Variants in TPD52L1 observed in about 807,000 individuals in gnomAD.
TPD52L1 encodes the protein tumor protein D53.
TPD52L1 carries 18 observed loss-of-function variants against 28.7 expected under a neutral mutation model. The ratio of observed to expected loss-of-function variants is 0.63; its 90% CI spans 0.43 to 0.93. The LOEUF (loss-of-function observed/expected upper bound fraction) is 0.93. Ranked by LOEUF, TPD52L1 falls within the 40% of genes least tolerant of loss-of-function variation. The probability of loss-of-function intolerance (pLI) is 0.00; values close to 1 mark genes in which losing one functional copy is unlikely to be tolerated. For synonymous variants in TPD52L1, 75 were observed against 88.8 expected, an observed-to-expected ratio of 0.84 and a Z score of 0.88; for missense variants, 203 against 254.8, an observed-to-expected ratio of 0.80 and a Z score of 1.39.
chr6:125,256,748 A>G (rs1201666927), intron 5 of TPD52L1, among the ~76,000 whole-genome samples: 1 of 152,258 alleles, frequency 6.6e-6, no homozygotes, highest in African/African-American at 2.4e-5. Flanking sequence ...TGTGATAGAA[A>G]CAATAAATGC....
intron 1 of TPD52L1, among the ~76,000 whole-genome samples, chr6:125,162,561 A>G (rs1012262532): frequency 6.6e-6 from 1 of 152,250 alleles, no homozygotes; most frequent in Non-Finnish European, 1.5e-5. Context: ...TGACAAGCAC[A>G]TACTATTGGG....
chr6:125,204,640 C>T (rs555168348), intron 1 of TPD52L1, among the ~76,000 whole-genome samples: 154 of 152,126 alleles, frequency 1.0e-3, no homozygotes, highest in African/African-American at 3.5e-3. Flanking sequence ...CCGTCACGCC[C>T]GGGTAACTTT....
intron 1 of TPD52L1, among the ~76,000 whole-genome samples, chr6:125,175,452 C>T (rs771881285): frequency 5.3e-5 from 8 of 151,972 alleles, no homozygotes; most frequent in Non-Finnish European, 1.0e-4. Context: ...AATGTTGTTC[C>T]CAACACTGAA....
At chr6:125,226,382 G>A (rs964473052) in intron 2 of TPD52L1, among the ~76,000 whole-genome samples, 3 of 151,814 alleles carry the variant, frequency 2.0e-5, no homozygotes, top group Non-Finnish European at 4.4e-5. Context: ...TGTTAAATTG[G>A]TCACTTTAAT....
chr6:125,224,310 A>G (rs1795451898), intron 2 of TPD52L1, among the ~76,000 whole-genome samples: 1 of 152,240 alleles, frequency 6.6e-6, no homozygotes, highest in Admixed American at 6.5e-5. Flanking sequence ...TAGGAAAAAT[A>G]CCAGACAGCA....
chr6:125,213,982 A>G (rs1299718456), intron 1 of TPD52L1, among the ~76,000 whole-genome samples: 2 of 152,196 alleles, frequency 1.3e-5, no homozygotes, highest in Admixed American at 1.3e-4. Context: ...CAGCCGCAGT[A>G]GGAAGTCAAT....
intron 3 of TPD52L1, among the ~76,000 whole-genome samples, chr6:125,239,512 T>C (rs1167979038): frequency 2.0e-5 from 3 of 152,150 alleles, no homozygotes; most frequent in Non-Finnish European, 2.9e-5. Flanking sequence ...ATGAGACTTA[T>C]TTACTACCAC....
chr6:125,161,760 C>G (rs1169267654), intron 1 of TPD52L1, among the ~76,000 whole-genome samples: 2 of 152,010 alleles, frequency 1.3e-5, no homozygotes, highest in Non-Finnish European at 2.9e-5. Flanking sequence ...ATGGTAACAT[C>G]AAAGATCACC....
chr6:125,224,218 T>C (rs1795446614), intron 2 of TPD52L1, among the ~76,000 whole-genome samples: 1 of 152,218 alleles, frequency 6.6e-6, no homozygotes, highest in Non-Finnish European at 1.5e-5. Context: ...ATTAGTACTG[T>C]AAATTTGTGA....
chr6:125,249,214 T>C (rs954631491), intron 4 of TPD52L1, among the ~76,000 whole-genome samples: 1 of 151,694 alleles, frequency 6.6e-6, no homozygotes, highest in Non-Finnish European at 1.5e-5. Flanking sequence ...CATAGTTTTA[T>C]TTTGCATTTG....
intron 1 of TPD52L1, among the ~76,000 whole-genome samples, chr6:125,217,875 G>A (rs1756351294): frequency 6.6e-6 from 1 of 152,028 alleles, no homozygotes. Flanking sequence ...TTTTTCACTC[G>A]ATATCTTATT....
intron 1 of TPD52L1, among the ~76,000 whole-genome samples, chr6:125,174,888 G>A (rs542034113): frequency 6.6e-6 from 1 of 152,276 alleles, no homozygotes; most frequent in Admixed American, 6.5e-5. Flanking sequence ...GACAATCCTG[G>A]TGTCTGTTGC....
intron 1 of TPD52L1, among the ~76,000 whole-genome samples, chr6:125,183,352 G>A (rs994909836): frequency 2.6e-5 from 4 of 152,144 alleles, no homozygotes; most frequent in Non-Finnish European, 5.9e-5. Flanking sequence ...AGTGGTGTGT[G>A]CCTGTAAACC....
chr6:125,206,827 A>C (rs115903875), intron 1 of TPD52L1, among the ~76,000 whole-genome samples: 1 of 152,066 alleles, frequency 6.6e-6, no homozygotes, highest in Non-Finnish European at 1.5e-5. Flanking sequence ...ACAAGCAGGA[A>C]GATGAAATTT....
intron 1 of TPD52L1, among the ~76,000 whole-genome samples, chr6:125,211,069 A>G (rs972058088): frequency 1.3e-5 from 2 of 152,226 alleles, no homozygotes; most frequent in Non-Finnish European, 2.9e-5. Context: ...CTTAAGGCAC[A>G]TAATTAGGCA....
chr6:125,257,195 T>C, intron 6 of TPD52L1, 37 bp downstream of exon 6: 1 of 1,581,578 alleles, frequency 6.3e-7, no homozygotes, highest in Non-Finnish European at 8.7e-7. Context: ...GTGGGTCCAT[T>C]GACTCAGGAC....
intron 6 of TPD52L1, chr6:125,261,581 A>C (rs550074840): frequency 2.0e-5 from 3 of 151,666 alleles, no homozygotes; most frequent in African/African-American, 4.8e-5. Context: ...CCATATTTTT[A>C]GTGCATCTAC....
In TPD52L1 at chr6:125,229,127, G is replaced by T. The variant is rs139731274; in HGVS notation, c.145G>T (p.Glu49Ter). Residue 49 changes from glutamate (E) to a stop codon, truncating the protein, a stop_gained, in exon 3 of 7, where the codon GAA becomes TAA. Transcript: ENST00000534000. LOFTEE classifies it high-confidence loss of function. ...CCCCTCCGCCTTGTAGCTAGAAGAC[G>T]AAATTACAACACTACGACAAGTTTT... ...LKAELVQLED[E>*]ITTLRQVLSA... is the part of the protein sequence containing the mutation. 6.2e-7 allele frequency: 1 copy of T among 1,611,112 alleles called. No individual in the cohort carries two copies. Among genetic ancestry groups the T allele is most frequent in the Admixed American group, 1.7e-5 (1 of 59,434 alleles).
At chr6:125,170,961 C>T (rs953300347) in intron 1 of TPD52L1, among the ~76,000 whole-genome samples, 11 of 152,096 alleles carry the variant, frequency 7.2e-5, no homozygotes, top group Admixed American at 6.5e-4. Flanking sequence ...ATGAGCCTTT[C>T]GTGGGTAGAC....
Sources: gnomAD v4.1 joint callset for allele counts (sites outside exome capture counted in the v4.1 genomes callset) on GRCh38, gnomAD v4.1.1 for gene constraint, MANE v1.5 for transcripts, NCBI Gene and HGNC (gene_info 2026-07-23, HGNC 2026-07-21) for gene names.